TMEM219: variants seen among roughly 807,000 people sequenced by gnomAD.
TMEM219 encodes insulin-like growth factor-binding protein 3 receptor.
TMEM219 carries 18 observed loss-of-function variants against 17.9 expected under a neutral mutation model. The ratio of observed to expected loss-of-function variants is 1.01; its 90% CI spans 0.70 to 1.49. TMEM219 has a LOEUF of 1.49. Among genes scored for constraint, TMEM219 ranks in the 40% most tolerant of loss-of-function variants. The probability of loss-of-function intolerance (pLI) is 0.00; values close to 1 mark genes in which losing one functional copy is unlikely to be tolerated. For missense variants in TMEM219, 288 were observed against 292.4 expected (o/e 0.99, Z 0.11); for synonymous variants, 113 against 124.0 (o/e 0.91, Z 0.59).
intron 4 of TMEM219, among the ~76,000 whole-genome samples, chr16:29,969,512 A>G (rs2069255148): frequency 6.6e-6 from 1 of 151,934 alleles, no homozygotes; most frequent in Non-Finnish European, 1.5e-5. Context: ...TTCTTAAAAA[A>G]AACATTTTTT....
chr16:29,966,068 C>T (rs2069209212), intron 3 of TMEM219, among the ~76,000 whole-genome samples: 1 of 152,092 alleles, frequency 6.6e-6, no homozygotes, highest in Non-Finnish European at 1.5e-5. Context: ...TGTGGTCTCA[C>T]TATGTTGCCC....
intron 4 of TMEM219, among the ~76,000 whole-genome samples, chr16:29,969,026 C>T (rs978615823): frequency 3.9e-5 from 6 of 151,972 alleles, no homozygotes; most frequent in Non-Finnish European, 8.8e-5. Flanking sequence ...GAGGTACACT[C>T]CAGGCAAAGG....
At chr16:29,966,980 ATTTACTG>A (rs765575741) in intron 3 of TMEM219, among the ~76,000 whole-genome samples, 3 of 152,048 alleles carry the variant, frequency 2.0e-5, no homozygotes, top group Non-Finnish European at 2.9e-5. Context: ...TCCCAAGGCC[ATTTACTG>A]AGGCCATCCT....
At chr16:29,966,362 T>A (rs2069212538) in intron 3 of TMEM219, among the ~76,000 whole-genome samples, 1 of 152,086 alleles carries the variant, frequency 6.6e-6, no homozygotes, top group Non-Finnish European at 1.5e-5. Flanking sequence ...GTCATTTAAA[T>A]ATATTATAGG....
intron 4 of TMEM219, 74 bp from the exon 5 acceptor site, chr16:29,971,334 C>A: frequency 6.4e-7 from 1 of 1,570,732 alleles, no homozygotes; most frequent in Non-Finnish European, 8.7e-7. Context: ...CCCTCTCCCT[C>A]ATGGAGGCTC....
In TMEM219 at chr16:29,963,155, C is replaced by T; in HGVS notation, c.12C>T (p.Cys4=). Residue 4 remains cysteine, a synonymous_variant, in exon 2 of 6, where the codon TGC becomes TGT. Transcript: ENST00000279396. ...CCCCTCTGCTCCCCATGGGCAACTG[C>T]CAGGCAGGGCACAACCTGCACCTGT... MGN[C]QAGHNLHLCL... 6.2e-7 allele frequency: 1 copy of T among 1,612,216 alleles called. No homozygotes were observed. Among genetic ancestry groups the T allele is most frequent in the South Asian group, 1.1e-5 (1 of 91,084 alleles).
chr16:29,972,059 C>G (rs938256608), intron 5 of TMEM219: 1 of 153,036 alleles, frequency 6.5e-6, no homozygotes, highest in Admixed American at 6.5e-5. Flanking sequence ...CATACACATT[C>G]TTTTGTGGCT....
Position 29,968,060 on chromosome 16 carries a change from A to G in TMEM219, c.391A>G (p.Arg131Gly). 1 of 1,614,164 alleles carries G rather than the reference A, an allele frequency of 6.2e-7. No individual in the cohort carries two copies. The highest frequency in any genetic ancestry group is 8.5e-7 in the Non-Finnish European group (1 of 1,180,020). Residue 131 changes from arginine to glycine, a missense_variant, in exon 4 of 6, where the codon AGG becomes GGG. By Grantham distance (125) the Arg-to-Gly change is moderately radical. Transcript: ENST00000279396. ...AGGACAACTGGTCCTTATCACAGCC[A>G]GGGTGACCACAGAAAGGACTGCAGG... Reference protein sequence around the residue: ...SAGQLVLITARVTTERTAGTC... With the variant: ...SAGQLVLITAGVTTERTAGTC...
At position 29,972,459 on chromosome 16, in the gene TMEM219, A is replaced by G. The variant is rs990842689; in HGVS notation, c.*34-491A>G. Reference sequence around the variant, plus strand: ...GGGTCATGTTGGTTAACCAGTTCACACATCAGCTCACTAAAGGAAAAAATA... The same window carrying G: ...GGGTCATGTTGGTTAACCAGTTCACGCATCAGCTCACTAAAGGAAAAAATA... On this transcript the variant is annotated intron_variant, in intron 5 of 5. Transcript: ENST00000279396. Among the ~76,000 whole-genome samples the G allele has an allele frequency of 2.6e-5, 4 of 152,360 alleles. No individual in the cohort carries two copies. The East Asian group carries it at 7.7e-4, about 29-fold the overall frequency.
At chr16:29,971,278 T>C in intron 4 of TMEM219, 130 bp from the exon 5 acceptor site, 1 of 937,768 alleles carries the variant, frequency 1.1e-6, no homozygotes, top group East Asian at 2.9e-5. Context: ...TGTCAGCTTA[T>C]ATGAAAATAA....
intron 4 of TMEM219, among the ~76,000 whole-genome samples, chr16:29,968,783 A>G (rs1453537474): frequency 6.6e-6 from 1 of 152,240 alleles, no homozygotes; most frequent in Non-Finnish European, 1.5e-5. Flanking sequence ...AAGTGCTCTC[A>G]GGGTTCATTA....
chr16:29,971,373 T>C (rs779067955), intron 4 of TMEM219, 35 bp from the exon 5 acceptor site: 8 of 1,613,452 alleles, frequency 5.0e-6, no homozygotes. Context: ...TGGATTAACA[T>C]GTCCTCCTCC....
intron 3 of TMEM219, among the ~76,000 whole-genome samples, chr16:29,963,822 G>A (rs2069178700): frequency 6.7e-6 from 1 of 149,862 alleles, no homozygotes; most frequent in Admixed American, 6.7e-5. Flanking sequence ...GATGGAGGTT[G>A]CAGTGAACCG....
At position 29,971,475 on chromosome 16, in the gene TMEM219, T is replaced by C. The variant is rs753132871; in HGVS notation, c.653T>C (p.Leu218Pro). Residue 218 changes from leucine to proline, a missense_variant, in exon 5 of 6, where the codon CTT becomes CCT. By Grantham distance (98) the Leu-to-Pro change is moderately conservative (BLOSUM62 -3). Coordinates refer to ENST00000279396, the MANE Select transcript of TMEM219 (RefSeq NM_001083613.2). ...LGSFLLLFCG[L>P]LCCVTAMCFH... ...TCCTTCCTGCTTCTCTTCTGTGGCC[T>C]TCTCTGCTGTGTCACTGCTATGTGC... The C allele has an allele frequency of 1.2e-6, 2 of 1,614,138 alleles. No individual in the cohort carries two copies. Among genetic ancestry groups the C allele is most frequent in the Non-Finnish European group, 1.7e-6 (2 of 1,180,012 alleles).
Position 29,963,381 on chromosome 16 carries a change from C to T in TMEM219, c.166-19C>T, listed in dbSNP as rs756331676. On this transcript the variant is annotated intron_variant, in intron 2 of 5. Transcript: ENST00000279396. Reference sequence around the variant, plus strand: ...CTTTTGCTGCTAATCTCATCTCACCCGTCTTCTTTTGCTCACAGGACTGGG... The same window carrying T: ...CTTTTGCTGCTAATCTCATCTCACCTGTCTTCTTTTGCTCACAGGACTGGG... 17 of 1,613,586 alleles carry T rather than the reference C, an allele frequency of 1.1e-5. No homozygotes were observed. The highest frequency in any genetic ancestry group is 2.2e-5 in the South Asian group (2 of 91,068).
Position 29,968,217 on chromosome 16 carries a change from G to C in TMEM219, c.548G>C (p.Ser183Thr). 2 of 1,614,194 alleles carry C rather than the reference G, an allele frequency of 1.2e-6. No individual in the cohort carries two copies. Among genetic ancestry groups the C allele is most frequent in the African/African-American group, 2.7e-5 (2 of 75,052 alleles). ...RMGEECVSVWSHEGLVLTKLL... is the reference protein window; with the variant it reads ...RMGEECVSVWTHEGLVLTKLL... ...GGTGAGGAATGTGTTAGTGTCTGGA[G>C]CCATGAAGGCCTTGTGCTGACCAAG... The change falls in exon 4 of 6, where the codon AGC (serine) becomes ACC (threonine). Residue 183 changes from serine to threonine, a missense_variant. By Grantham distance (58) the Ser-to-Thr change is moderately conservative. Transcript: ENST00000279396.
At chr16:29,962,630 C>T (rs888437810) in intron 1 of TMEM219, 1 of 154,994 alleles carries the variant, frequency 6.5e-6, no homozygotes, top group African/African-American at 2.4e-5. Flanking sequence ...CTGCTTCATC[C>T]GCCACGTTTA....
At chr16:29,968,368 T>G in intron 4 of TMEM219, 114 bp downstream of exon 4, 1 of 801,354 alleles carries the variant, frequency 1.2e-6, no homozygotes. Context: ...TTTATAACCC[T>G]GCCTTGGGGG....
rs2150864709 is a variant in TMEM219, at chr16:29,968,415, G to A, written c.585+161G>A. The A allele has an allele frequency of 5.1e-6, 3 of 590,644 alleles. No individual in the cohort carries two copies. In the South Asian group the frequency reaches 6.4e-5, roughly 13 times the overall value. 36.6% of individuals were successfully genotyped at this position (590,644 alleles called of 1,614,324 possible). On this transcript the variant is annotated intron_variant, in intron 4 of 5. Transcript: ENST00000279396. ...AGAACAAGTGTCTAAACATCTCTGA[G>A]TGTCAGCATCCTCATCTGTAAAACA...
Sources: allele counts gnomAD v4.1 joint callset (sites outside exome capture counted in the v4.1 genomes callset), GRCh38; gene constraint gnomAD v4.1.1; transcripts MANE v1.5; gene names NCBI Gene and HGNC (gene_info 2026-07-23, HGNC 2026-07-21).